Variants in ADA2 observed in about 807,000 individuals in gnomAD.
ADA2 encodes adenosine deaminase CECR1.
In ADA2, 29 loss-of-function variants were observed where a neutral mutation model predicts 44.2. The ratio of observed to expected loss-of-function variants is 0.66; its 90% CI spans 0.49 to 0.89. The LOEUF is 0.89. Ranked by LOEUF, ADA2 falls within the 40% of genes least tolerant of loss-of-function variation. ADA2 has a pLI of 0.00. For missense variants in ADA2, 637 were observed against 644.8 expected, an observed-to-expected ratio of 0.99 and a Z score of 0.13; for synonymous variants, 215 against 234.9, an observed-to-expected ratio of 0.92 and a Z score of 0.77.
intron 1 of ADA2, among the ~76,000 whole-genome samples, chr22:17,216,720 A>G (rs2062475954): frequency 6.6e-6 from 1 of 151,070 alleles, no homozygotes; most frequent in Admixed American, 6.6e-5. Context: ...AGTTCGTGCC[A>G]CTGCACTCCA....
chr22:17,216,540 G>A lies in ADA2; in HGVS notation c.-47+2816C>T, dbSNP rs564925750. On this transcript the variant is annotated intron_variant, in intron 1 of 9. Transcript: ENST00000399837. ...CCAGCACTTAGGGAGGCCGAGGCAGGTGGATCACAAGGTCAGGAGTTCAAG... is the reference window on the plus strand; with the variant it reads ...CCAGCACTTAGGGAGGCCGAGGCAGATGGATCACAAGGTCAGGAGTTCAAG... 7.5e-4 allele frequency among the ~76,000 whole-genome samples: 114 copies of A among 152,262 alleles called. 1 individual carries two copies. The highest frequency in any genetic ancestry group is 2.7e-3 in the African/African-American group (111 of 41,540).
At chr22:17,189,040 G>T in intron 6 of ADA2, among the ~76,000 whole-genome samples, 2 of 116,202 alleles carry the variant, frequency 1.7e-5, no homozygotes. Context: ...TTTTTTTTGA[G>T]ATGGAGTCTT....
intron 1 of ADA2, chr22:17,213,867 G>A (rs1475520269): frequency 3.1e-5 from 9 of 289,096 alleles, no homozygotes; most frequent in Admixed American, 1.4e-4. Context: ...GTGAAACCCC[G>A]TCTCTATTAA....
rs576181678 is a variant in ADA2 at position 17,201,899 on chromosome 22, T to G, written c.753+1664A>C. ...GATGATGCTCCCTTCTTTTGGACTC[T>G]TTCTACTCCTTTCCATTTCACTCTC... On this transcript the variant is annotated intron_variant, in intron 4 of 9. Transcript: ENST00000399837. Among the ~76,000 whole-genome samples the G allele has an allele frequency of 1.7e-4, 26 of 152,222 alleles. No homozygotes were observed. In the South Asian group the frequency reaches 5.2e-3, roughly 30 times the overall value.
At chr22:17,182,098 G>A in intron 8 of ADA2, 76 bp from the exon 9 acceptor site, 3 of 1,183,132 alleles carry the variant, frequency 2.5e-6, no homozygotes, top group Non-Finnish European at 3.7e-6. Context: ...GTGAGACCTT[G>A]AGCCCCATCA....
Position 17,189,925 on chromosome 22 carries a change from T to G in ADA2, c.972+17A>C, listed in dbSNP as rs1421609257. On this transcript the variant is annotated intron_variant, in intron 6 of 9. Coordinates refer to ENST00000399837, the MANE Select transcript of ADA2 (RefSeq NM_001282225.2). ...GCCCCCTTAACAGGCAGCCCTTCTG[T>G]TCACAGCATGGGTTACCAGGTCAAA... The G allele has an allele frequency of 6.3e-7, 1 of 1,593,362 alleles. No individual in the cohort carries two copies. The highest frequency in any genetic ancestry group is 1.1e-5 in the South Asian group (1 of 90,692).
chr22:17,214,194 G>T, intron 1 of ADA2: 1 of 590,852 alleles, frequency 1.7e-6, no homozygotes, highest in South Asian at 1.6e-5. Context: ...ATCGAGGGTT[G>T]GCAAAAGGCC....
chr22:17,193,593 A>G (rs1367874896), intron 4 of ADA2, among the ~76,000 whole-genome samples: 2 of 150,842 alleles, frequency 1.3e-5, no homozygotes, highest in African/African-American at 4.9e-5. Context: ...GCTTGAACCC[A>G]GGAGGCAGAG....
intron 1 of ADA2, among the ~76,000 whole-genome samples, chr22:17,215,425 G>A (rs1056989487): frequency 7.9e-5 from 12 of 152,086 alleles, no homozygotes; most frequent in Non-Finnish European, 2.9e-5. Context: ...GACCAACATG[G>A]TGAAACCCCG....
intron 7 of ADA2, among the ~76,000 whole-genome samples, chr22:17,183,990 G>A (rs1216049132): frequency 4.8e-5 from 5 of 103,686 alleles, no homozygotes; most frequent in Admixed American, 3.1e-4. Context: ...ATGGAGTCTC[G>A]CTCTGTCACC....
In ADA2 at chr22:17,190,014, G is replaced by A; in HGVS notation, c.900C>T (p.Val300=). 1 of 1,613,634 alleles carries A rather than the reference G, an allele frequency of 6.2e-7. No homozygotes were observed. Among genetic ancestry groups the A allele is most frequent in the South Asian group, 1.1e-5 (1 of 91,046 alleles). ...YSDHRSKDVA[V]IAESIRMAMG... Reference sequence around the variant, plus strand: ...TGGCCATTCGGATGGATTCTGCGATGACAGCCACATCTTTGGATCTGTGAG... The same window carrying A: ...TGGCCATTCGGATGGATTCTGCGATAACAGCCACATCTTTGGATCTGTGAG... Residue 300 remains valine (V), a synonymous_variant, in exon 6 of 10, where the codon GTC becomes GTT. Coordinates refer to ENST00000399837, the MANE Select transcript of ADA2 (RefSeq NM_001282225.2).
At chr22:17,199,660 A>G in intron 4 of ADA2, 2 of 1,611,372 alleles carry the variant, frequency 1.2e-6, no homozygotes, top group Non-Finnish European at 1.7e-6. Flanking sequence ...TAGGACGCTC[A>G]GAGAGCCCAG....
chr22:17,188,868 A>AAAAAAAAAAAAAAAAAAAATAT, intron 6 of ADA2: 14 of 81,172 alleles, frequency 1.7e-4, no homozygotes, highest in South Asian at 5.0e-4. Context: ...AAGAGCAAAA[A>AAAAAAAAAAAAAAAAAAAATAT]ATATATATAT....
intron 7 of ADA2, among the ~76,000 whole-genome samples, chr22:17,183,804 G>A (rs1315805573): frequency 1.3e-5 from 2 of 151,878 alleles, no homozygotes; most frequent in African/African-American, 4.8e-5. Context: ...ATATGTTACA[G>A]GTTCTCTTAT....
At chr22:17,185,195 G>A (rs1443361387) in intron 7 of ADA2, among the ~76,000 whole-genome samples, 2 of 151,266 alleles carry the variant, frequency 1.3e-5, no homozygotes, top group Admixed American at 6.6e-5. Flanking sequence ...GGCGGATCAC[G>A]AGGTTAGGAG....
At chr22:17,191,566 A>C in intron 5 of ADA2, 117 bp downstream of exon 5, 5 of 1,124,050 alleles carry the variant, frequency 4.4e-6, no homozygotes, top group Non-Finnish European at 5.2e-6. Context: ...CCTTGGCACC[A>C]GTGCTGGGCC....
intron 8 of ADA2, among the ~76,000 whole-genome samples, chr22:17,182,289 G>A (rs1478956893): frequency 6.6e-6 from 1 of 152,030 alleles, no homozygotes; most frequent in Non-Finnish European, 1.5e-5. Context: ...AGACACAAAG[G>A]ACCCCAAGAA....
intron 2 of ADA2, among the ~76,000 whole-genome samples, chr22:17,208,373 G>C: frequency 6.9e-6 from 1 of 144,708 alleles, no homozygotes; most frequent in East Asian, 2.0e-4. Flanking sequence ...GCAGTGAGCT[G>C]AGATCACGCC....
chr22:17,191,602 T>A, intron 5 of ADA2, 81 bp downstream of exon 5: 3 of 1,367,030 alleles, frequency 2.2e-6, no homozygotes, highest in Non-Finnish European at 1.0e-6. Flanking sequence ...GCCCCGCTTC[T>A]CACCCCTCCC....
Sources: gnomAD v4.1 joint callset for allele counts (sites outside exome capture counted in the v4.1 genomes callset) on GRCh38, gnomAD v4.1.1 for gene constraint, MANE v1.5 for transcripts, NCBI Gene and HGNC (gene_info 2026-07-23, HGNC 2026-07-21) for gene names.